LPIN1: variants seen among roughly 807,000 people sequenced by gnomAD.
LPIN1 encodes the protein lipin 1.
Under a neutral mutation model 107.5 loss-of-function variants are expected in LPIN1, and 71 were observed. The ratio of observed to expected loss-of-function variants is 0.66; its 90% confidence interval spans 0.55 to 0.80. The LOEUF is 0.80. Among genes scored for constraint, LPIN1 ranks in the 30% least tolerant of loss-of-function variants. The pLI, the probability that LPIN1 is intolerant of heterozygous loss-of-function variation, is 0.00. For synonymous variants in LPIN1, 445 were observed against 452.6 expected (o/e 0.98, Z 0.21); for missense variants, 1,043 against 1,160.6 (o/e 0.90, Z 1.47).
chr2:11,720,899 C>T (rs909467565), upstream of LPIN1, among the ~76,000 whole-genome samples: 7 of 151,912 alleles, frequency 4.6e-5, no homozygotes, highest in South Asian at 8.3e-4. Context: ...AAGCAAGGTG[C>T]GAGAGAAGAG....
At chr2:11,794,347 A>G (rs184153458) in intron 13 of LPIN1, among the ~76,000 whole-genome samples, 2 of 152,354 alleles carry the variant, frequency 1.3e-5, no homozygotes, top group East Asian at 1.9e-4. Context: ...AGGAACAGTT[A>G]TGAAATTAAA....
At chr2:11,712,173 A>G (rs913425856) in intron 1 of LPIN1, among the ~76,000 whole-genome samples, 5 of 152,300 alleles carry the variant, frequency 3.3e-5, no homozygotes, top group Non-Finnish European at 5.9e-5. Context: ...CATGTGCTCA[A>G]CTACTCTGGA....
intron 1 of LPIN1, among the ~76,000 whole-genome samples, chr2:11,699,234 T>C (rs1280701152): frequency 2.6e-5 from 4 of 152,216 alleles, no homozygotes; most frequent in South Asian, 2.1e-4. Context: ...TCAGGAACTA[T>C]TGAACCCCCA....
chr2:11,779,086 G>C (rs1164487881), intron 6 of LPIN1, among the ~76,000 whole-genome samples: 1 of 152,204 alleles, frequency 6.6e-6, no homozygotes, highest in Non-Finnish European at 1.5e-5. Flanking sequence ...GGACTCTAAT[G>C]AGTGCCTGCC....
chr2:11,797,872 C>G (rs1677002083), intron 14 of LPIN1, among the ~76,000 whole-genome samples: 1 of 152,064 alleles, frequency 6.6e-6, no homozygotes, highest in African/African-American at 2.4e-5. Context: ...TTGGGAGGGT[C>G]CAGGGGCAGA....
At chr2:11,715,842 G>A (rs1663699625) in intron 2 of LPIN1, among the ~76,000 whole-genome samples, 1 of 152,110 alleles carries the variant, frequency 6.6e-6, no homozygotes, top group Admixed American at 6.5e-5. Flanking sequence ...TGACCAGGAG[G>A]CCTCGTCTGC....
At chr2:11,758,119 C>G (rs530987821) in intron 1 of LPIN1, among the ~76,000 whole-genome samples, 1 of 152,308 alleles carries the variant, frequency 6.6e-6, no homozygotes, top group South Asian at 2.1e-4. Flanking sequence ...TTTTAAGGCT[C>G]AGTAATAGTC....
chr2:11,731,624 G>T (rs888944212), intron 1 of LPIN1, among the ~76,000 whole-genome samples: 2 of 152,182 alleles, frequency 1.3e-5, no homozygotes, highest in African/African-American at 4.8e-5. Context: ...GGTATTTCTG[G>T]TTGTAGATCC....
intron 8 of LPIN1, 69 bp downstream of exon 8, chr2:11,782,576 C>G: frequency 1.3e-6 from 2 of 1,576,724 alleles, no homozygotes; most frequent in South Asian, 2.2e-5. Flanking sequence ...CATGACAGGT[C>G]CTTTCCAAAG....
At position 11,784,879 on chromosome 2, in the gene LPIN1, C is replaced by T. The variant is rs1254887910; in HGVS notation, c.1359-7C>T. On this transcript the variant is annotated splice_polypyrimidine_tract_variant and splice_region_variant and intron_variant, in intron 9 of 20. Coordinates refer to ENST00000674199, the MANE Select transcript of LPIN1 (RefSeq NM_001349206.2). Reference sequence around the variant, plus strand: ...CAGCCGGTCTCTGCCGCTTTTCCTCCTTCCAGCGGAGATCCTTCCGGACTC... The same window carrying T: ...CAGCCGGTCTCTGCCGCTTTTCCTCTTTCCAGCGGAGATCCTTCCGGACTC... 2 of 1,613,696 alleles carry T rather than the reference C, an allele frequency of 1.2e-6. No homozygotes were observed. The highest frequency in any genetic ancestry group is 1.7e-6 in the Non-Finnish European group (2 of 1,179,924).
intron 20 of LPIN1, among the ~76,000 whole-genome samples, chr2:11,820,741 T>G (rs1471767065): frequency 6.6e-6 from 1 of 152,366 alleles, no homozygotes; most frequent in East Asian, 1.9e-4. Context: ...AACTCGTGGT[T>G]AGAGTCTGCT....
intron 7 of LPIN1, 143 bp from the exon 8 acceptor site, chr2:11,782,058 T>C: frequency 4.3e-6 from 3 of 698,054 alleles, no homozygotes; most frequent in Non-Finnish European, 7.6e-6. Flanking sequence ...TTTTGGCAGG[T>C]ATAGAAATCA....
chr2:11,741,614 A>T (rs1036459817), upstream of LPIN1, among the ~76,000 whole-genome samples: 1 of 152,002 alleles, frequency 6.6e-6, no homozygotes, highest in Admixed American at 6.6e-5. Context: ...AAAAATACAC[A>T]TCCTGGCTAA....
intron 1 of LPIN1, among the ~76,000 whole-genome samples, chr2:11,705,451 A>C (rs2148519154): frequency 6.6e-6 from 1 of 152,354 alleles, no homozygotes; most frequent in Non-Finnish European, 1.5e-5. Context: ...AACTGCGCTA[A>C]GTGCCATGAA....
chr2:11,725,138 G>A (rs1434347672), intron 1 of LPIN1, among the ~76,000 whole-genome samples: 1 of 152,186 alleles, frequency 6.6e-6, no homozygotes. Context: ...GCGGGCGCCT[G>A]TAGTCCCAGC....
chr2:11,821,885 G>A (rs993908015), intron 20 of LPIN1, among the ~76,000 whole-genome samples: 1 of 152,196 alleles, frequency 6.6e-6, no homozygotes, highest in South Asian at 2.1e-4. Context: ...CCTGCAGAAG[G>A]CGAGGCAGTG....
intron 20 of LPIN1, 131 bp downstream of exon 20, chr2:11,820,645 A>C: frequency 1.5e-6 from 1 of 676,704 alleles, no homozygotes; most frequent in Non-Finnish European, 2.6e-6. Context: ...TAATGAAAAA[A>C]TGTATTTTAA....
chr2:11,694,104 G>T (rs1430607673), intron 1 of LPIN1, among the ~76,000 whole-genome samples: 2 of 151,792 alleles, frequency 1.3e-5, no homozygotes, highest in Non-Finnish European at 2.9e-5. Flanking sequence ...AAAGTGCTGG[G>T]ATTACATGCG....
chr2:11,824,139 T>C (rs1649903742), intron 20 of LPIN1, among the ~76,000 whole-genome samples: 1 of 152,124 alleles, frequency 6.6e-6, no homozygotes, highest in South Asian at 2.1e-4. Context: ...GGTTACGCCA[T>C]TTGCCCACGA....
Sources: allele counts gnomAD v4.1 joint callset (sites outside exome capture counted in the v4.1 genomes callset), GRCh38; gene constraint gnomAD v4.1.1; transcripts MANE v1.5; gene names NCBI Gene and HGNC (gene_info 2026-07-23, HGNC 2026-07-21).